CAPS2: variants seen among roughly 807,000 people sequenced by gnomAD.
The protein encoded by CAPS2 is calcyphosine 2.
Under a neutral mutation model 86.5 loss-of-function variants are expected in CAPS2, and 98 were observed. The ratio of observed to expected loss-of-function variants is 1.13; its 90% CI spans 0.96 to 1.34. The LOEUF is 1.34. Among genes scored for constraint, CAPS2 ranks in the 40% most tolerant of loss-of-function variants. The pLI is 0.00. For missense variants in CAPS2, 729 were observed against 686.8 expected (o/e 1.06, Z -0.69); for synonymous variants, 210 against 225.1 (o/e 0.93, Z 0.60).
upstream of CAPS2, among the ~76,000 whole-genome samples, chr12:75,333,403 T>C (rs2041478395): frequency 6.6e-6 from 1 of 152,180 alleles, no homozygotes; most frequent in Non-Finnish European, 1.5e-5. Context: ...TAGATGTATA[T>C]AACTGTATTG....
intron 8 of CAPS2, 111 bp downstream of exon 8, chr12:75,304,646 A>G: frequency 1.2e-6 from 1 of 803,836 alleles, no homozygotes. Context: ...TTTTCTTTAT[A>G]TAGAAAAAAG....
chr12:75,355,413 G>A lies in CAPS2; in HGVS notation c.-394-32191C>T, dbSNP rs150190856. 6.3e-3 allele frequency among the ~76,000 whole-genome samples: 961 copies of A among 152,138 alleles called. 8 individuals are homozygous for A. Among genetic ancestry groups the A allele is most frequent in the African/African-American group, 0.021 (864 of 41,504 alleles). On this transcript the variant is annotated intron_variant, in intron 1 of 5. Transcript: ENST00000551829. The stretch of plus-strand genomic sequence containing the variant: ...CATTAGAGAAATGCAAATCAAAATC[G>A]CAGTTAGATACCATCTCATGCCAGT...
At chr12:75,289,291 G>C (rs2035441277) in intron 14 of CAPS2, among the ~76,000 whole-genome samples, 1 of 152,066 alleles carries the variant, frequency 6.6e-6, no homozygotes, top group South Asian at 2.1e-4. Flanking sequence ...CTTGGAATCA[G>C]GTACCTACCC....
intron 8 of CAPS2, among the ~76,000 whole-genome samples, chr12:75,301,125 C>G (rs2037764296): frequency 6.6e-6 from 1 of 152,186 alleles, no homozygotes; most frequent in African/African-American, 2.4e-5. Flanking sequence ...TGCCAATAAT[C>G]TCCTTTATAT....
At chr12:75,388,358 A>G (rs2045398586) in intron 1 of CAPS2, among the ~76,000 whole-genome samples, 1 of 152,208 alleles carries the variant, frequency 6.6e-6, no homozygotes, top group Admixed American at 6.5e-5. Context: ...ATGAGAATAG[A>G]ATAATACACC....
chr12:75,327,302 C>T (rs2040874234), upstream of CAPS2, among the ~76,000 whole-genome samples: 1 of 151,992 alleles, frequency 6.6e-6, no homozygotes, highest in African/African-American at 2.4e-5. Context: ...TTTTAACAAG[C>T]AGTATTCTTC....
intron 8 of CAPS2, among the ~76,000 whole-genome samples, chr12:75,300,911 C>T (rs1593362316): frequency 6.6e-6 from 1 of 152,180 alleles, no homozygotes; most frequent in African/African-American, 2.4e-5. Context: ...CACTATCAAT[C>T]GGTTTTCAGT....
chr12:75,354,279 T>C (rs1253257235), intron 1 of CAPS2, among the ~76,000 whole-genome samples: 1 of 151,942 alleles, frequency 6.6e-6, no homozygotes, highest in Admixed American at 6.6e-5. Context: ...AAAAGCTTTT[T>C]AAGCTTATAA....
chr12:75,331,709 G>GC (rs1327444373), upstream of CAPS2, among the ~76,000 whole-genome samples: 1 of 150,518 alleles, frequency 6.6e-6, no homozygotes, highest in African/African-American at 2.4e-5. Context: ...GACTACAGGC[G>GC]CCCGCCACTA....
chr12:75,329,908 G>C, upstream of CAPS2: 1 of 1,525,494 alleles, frequency 6.6e-7, no homozygotes, highest in Non-Finnish European at 8.9e-7. Context: ...GGGCACAAGA[G>C]ACAGTCAGCC....
chr12:75,377,271 G>A (rs563259540), intron 1 of CAPS2, among the ~76,000 whole-genome samples: 2 of 152,156 alleles, frequency 1.3e-5, no homozygotes, highest in East Asian at 3.9e-4. Flanking sequence ...ACCACTCCTG[G>A]TACCAAAATC....
upstream of CAPS2, among the ~76,000 whole-genome samples, chr12:75,330,426 GGTT>G (rs1287155624): frequency 1.3e-5 from 2 of 152,238 alleles, no homozygotes; most frequent in Non-Finnish European, 2.9e-5. Context: ...GATCCACGGC[GGTT>G]GTTGTGTAAT....
chr12:75,287,377 C>T (rs1208150075), intron 14 of CAPS2, among the ~76,000 whole-genome samples: 1 of 151,998 alleles, frequency 6.6e-6, no homozygotes, highest in Non-Finnish European at 1.5e-5. Context: ...GGCCATAAGA[C>T]CCCCATTTCA....
Position 75,323,233 on chromosome 12 carries a change from TA to T in CAPS2, c.132-12del. ...TCAAGTCGTGGGACCCTGAAAGACATAATCTATGTATCCCGTAACTTTTTAA... is the reference window on the plus strand; with the variant it reads ...TCAAGTCGTGGGACCCTGAAAGACATATCTATGTATCCCGTAACTTTTTAA... On this transcript the variant is annotated splice_polypyrimidine_tract_variant and intron_variant, in intron 2 of 16. Coordinates refer to ENST00000393284, the Ensembl canonical transcript of CAPS2. The T allele has an allele frequency of 6.5e-7, 1 of 1,540,232 alleles. No individual in the cohort carries two copies. The highest frequency in any genetic ancestry group is 8.8e-7 in the Non-Finnish European group (1 of 1,141,108).
upstream of CAPS2, among the ~76,000 whole-genome samples, chr12:75,328,811 CA>C (rs1159771358): frequency 6.6e-6 from 1 of 152,146 alleles, no homozygotes; most frequent in African/African-American, 2.4e-5. Context: ...AGGAACTTAA[CA>C]AATGTTTGTT....
chr12:75,388,027 G>A (rs1188927809), intron 1 of CAPS2, among the ~76,000 whole-genome samples: 1 of 152,148 alleles, frequency 6.6e-6, no homozygotes, highest in Admixed American at 6.5e-5. Context: ...TTGGCTCTGT[G>A]TCCCCACCCA....
intron 1 of CAPS2, among the ~76,000 whole-genome samples, chr12:75,377,944 T>C (rs2044747392): frequency 6.6e-6 from 1 of 151,830 alleles, no homozygotes. Context: ...GAACTGAACA[T>C]TGTTTTGTAT....
chr12:75,314,666 G>A (rs2039573493), intron 6 of CAPS2, among the ~76,000 whole-genome samples: 1 of 152,048 alleles, frequency 6.6e-6, no homozygotes, highest in Non-Finnish European at 1.5e-5. Context: ...AGTGGACACT[G>A]ACTAAAACAT....
intron 1 of CAPS2, among the ~76,000 whole-genome samples, chr12:75,352,890 T>C (rs913019250): frequency 6.6e-6 from 1 of 152,210 alleles, no homozygotes; most frequent in Non-Finnish European, 1.5e-5. Flanking sequence ...TGCTCTTGAA[T>C]GACTCCTGGG....
Sources: gnomAD v4.1 joint callset for allele counts (sites outside exome capture counted in the v4.1 genomes callset) on GRCh38, gnomAD v4.1.1 for gene constraint, MANE v1.5 for transcripts, NCBI Gene and HGNC (gene_info 2026-07-23, HGNC 2026-07-21) for gene names.